The following PRRC2B variants were observed in gnomAD, a reference collection of about 807,000 sequenced individuals.
The protein encoded by PRRC2B is proline rich coiled-coil 2B, also known as protein PRRC2B.
PRRC2B carries 68 observed loss-of-function variants against 242.3 expected under a neutral mutation model. The observed-to-expected ratio is 0.28, with a 90% CI of 0.23 to 0.34. PRRC2B has a LOEUF of 0.34. PRRC2B is among the 10% of genes least tolerant of loss of function. The pLI, the probability that PRRC2B is intolerant of heterozygous loss-of-function variation, is 1.00. For synonymous variants in PRRC2B, 1,228 were observed against 1,173.6 expected (o/e 1.05, Z -0.95); for missense variants, 2,835 against 2,954.8 (o/e 0.96, Z 0.94).
At chr9:131,480,364 A>G (rs1372688629) in intron 19 of PRRC2B, among the ~76,000 whole-genome samples, 1 of 152,244 alleles carries the variant, frequency 6.6e-6, no homozygotes, top group Admixed American at 6.5e-5. Flanking sequence ...CATTTGATAA[A>G]ACATCAATAA....
At chr9:131,408,549 G>A (rs987218665) in intron 1 of PRRC2B, among the ~76,000 whole-genome samples, 2 of 152,210 alleles carry the variant, frequency 1.3e-5, no homozygotes, top group African/African-American at 4.8e-5. Flanking sequence ...TTAGAAAGAT[G>A]ACCATGTATA....
Position 131,487,132 on chromosome 9 carries a change from C to G in PRRC2B, c.5857-35C>G, listed in dbSNP as rs770461240. On this transcript the variant is annotated intron_variant, in intron 26 of 31. Coordinates refer to ENST00000683519, the MANE Select transcript of PRRC2B (RefSeq NM_013318.4). This position sits in a 1 kb window ranked among gnomAD's most constrained non-coding sequence, Gnocchi z 5.3. Reference sequence around the variant, plus strand: ...GGAAGAACCACCTGGATGGGCCTTGCGGTTACCTCCCCGACCCCGTTTTCC... The same window carrying G: ...GGAAGAACCACCTGGATGGGCCTTGGGGTTACCTCCCCGACCCCGTTTTCC... The G allele has an allele frequency of 1.2e-5, 20 of 1,606,434 alleles. No individual in the cohort carries two copies. The South Asian group carries it at 2.2e-4, about 18-fold the overall frequency.
At chr9:131,394,810 A>G (rs1253133199) in intron 1 of PRRC2B, among the ~76,000 whole-genome samples, 6 of 151,012 alleles carry the variant, frequency 4.0e-5, no homozygotes, top group African/African-American at 1.5e-4. Context: ...CGGCGGCGCT[A>G]AAGTTGGCGG....
chr9:131,459,247 G>T lies in PRRC2B; in HGVS notation c.1295G>T (p.Gly432Val). The T allele has an allele frequency of 1.2e-6, 2 of 1,613,948 alleles. No homozygotes were observed. Among genetic ancestry groups the T allele is most frequent in the South Asian group, 2.2e-5 (2 of 91,078 alleles). ...GACGCTAAGCGGACTCGAGAGGAAG[G>T]GAAGGACTGGGCTGAAGCAGTGGGT... ...SADAKRTREEGKDWAEAVGAS... is the reference protein window; with the variant it reads ...SADAKRTREEVKDWAEAVGAS... The change falls in exon 11 of 32, where the codon GGG (glycine) becomes GTG (valine). Residue 432 changes from glycine to valine, a missense_variant. Coordinates refer to ENST00000683519, the MANE Select transcript of PRRC2B (RefSeq NM_013318.4).
Position 131,462,327 on chromosome 9 carries a change from C to T in PRRC2B, c.1405-2436C>T, listed in dbSNP as rs550367683. Among the ~76,000 whole-genome samples, 4 of 152,200 alleles carry T rather than the reference C, an allele frequency of 2.6e-5. No individual in the cohort carries two copies. The East Asian group carries it at 7.8e-4, about 30-fold the overall frequency. ...TTCCAGGTTCAAGCAGTCCTTCTGC[C>T]TCAGCCTCCCAAGTAGCTGGGATTA... is the stretch of plus-strand genomic sequence containing the variant. On this transcript the variant is annotated intron_variant, in intron 11 of 31. Coordinates refer to ENST00000683519, the MANE Select transcript of PRRC2B (RefSeq NM_013318.4).
At chr9:131,382,589 G>A (rs549217460) in intron 1 of PRRC2B, among the ~76,000 whole-genome samples, 40 of 151,846 alleles carry the variant, frequency 2.6e-4, no homozygotes, top group Non-Finnish European at 4.9e-4. Context: ...AGGGCCCCCT[G>A]CTGCTGGTTC....
At chr9:131,489,818 C>T (rs541520818) in intron 28 of PRRC2B, among the ~76,000 whole-genome samples, 13 of 152,254 alleles carry the variant, frequency 8.5e-5, no homozygotes, top group Admixed American at 4.6e-4. Flanking sequence ...AGTACACAGA[C>T]GAGCTGCAGT....
At chr9:131,435,758 C>G (rs910553179) in intron 3 of PRRC2B, among the ~76,000 whole-genome samples, 1 of 152,090 alleles carries the variant, frequency 6.6e-6, no homozygotes, top group East Asian at 1.9e-4. Flanking sequence ...AAGGAAGATC[C>G]GTTTCTATGT....
At chr9:131,481,677 T>A in intron 19 of PRRC2B, 49 bp from the exon 20 acceptor site, 1 of 1,426,480 alleles carries the variant, frequency 7.0e-7, no homozygotes, top group Non-Finnish European at 9.7e-7. Context: ...ATAAACTCTC[T>A]AGACGGGTTG....
intron 14 of PRRC2B, among the ~76,000 whole-genome samples, chr9:131,471,586 G>A (rs1943548493): frequency 6.6e-6 from 1 of 152,180 alleles, no homozygotes; most frequent in Non-Finnish European, 1.5e-5. Context: ...GCCTTGATCA[G>A]CTAGTCAGTT....
intron 1 of PRRC2B, among the ~76,000 whole-genome samples, chr9:131,387,096 G>A (rs867970370): frequency 3.3e-5 from 5 of 149,934 alleles, no homozygotes; most frequent in Non-Finnish European, 7.4e-5. Context: ...CAGCCTTCCG[G>A]GTTCAAGCGA....
chr9:131,443,219 C>T (rs925997832), intron 5 of PRRC2B, among the ~76,000 whole-genome samples: 1 of 151,714 alleles, frequency 6.6e-6, no homozygotes, highest in Admixed American at 6.6e-5. Flanking sequence ...CTGCAAGCTC[C>T]ATCTCCTGGG....
upstream of PRRC2B, among the ~76,000 whole-genome samples, chr9:131,389,548 T>C (rs1024479072): frequency 6.6e-6 from 1 of 150,636 alleles, no homozygotes; most frequent in African/African-American, 2.4e-5. Context: ...CTCTGACACC[T>C]TGCTGGATGC....
chr9:131,447,048 T>C, intron 7 of PRRC2B, 37 bp from the exon 8 acceptor site: 1 of 1,612,802 alleles, frequency 6.2e-7, no homozygotes, highest in East Asian at 2.2e-5. Context: ...GTTTCAGCCA[T>C]TACCAGCAAA....
chr9:131,463,628 CTTTTTTTT>C (rs374951504), intron 11 of PRRC2B, among the ~76,000 whole-genome samples: 10 of 125,780 alleles, frequency 8.0e-5, no homozygotes, highest in Non-Finnish European at 1.6e-4. Context: ...TTTAGGCATG[CTTTTTTTT>C]TTTTTTTTTT....
intron 1 of PRRC2B, among the ~76,000 whole-genome samples, chr9:131,413,294 G>C (rs187196560): frequency 6.6e-6 from 1 of 152,086 alleles, no homozygotes; most frequent in African/African-American, 2.4e-5. Context: ...CTAGCCAATC[G>C]GGACAGATAC....
At chr9:131,396,984 C>T (rs538622768) in intron 1 of PRRC2B, among the ~76,000 whole-genome samples, 4 of 152,134 alleles carry the variant, frequency 2.6e-5, no homozygotes, top group Admixed American at 6.6e-5. Context: ...TTGGCATTCC[C>T]GCAACCATCT....
intron 1 of PRRC2B, among the ~76,000 whole-genome samples, chr9:131,420,493 C>CGTTCGTTCGTTCG (rs1554758635): frequency 3.3e-5 from 1 of 30,164 alleles, no homozygotes; most frequent in African/African-American, 1.1e-4. Flanking sequence ...TTCTTTCTTT[C>CGTTCGTTCGTTCG]TTTTTTTTTT....
intron 1 of PRRC2B, among the ~76,000 whole-genome samples, chr9:131,413,862 G>T (rs1043582691): frequency 2.0e-5 from 3 of 150,894 alleles, no homozygotes; most frequent in Non-Finnish European, 4.4e-5. Flanking sequence ...AGTAGAGATG[G>T]GGTTTCACCA....
Sources: allele counts gnomAD v4.1 joint callset (sites outside exome capture counted in the v4.1 genomes callset), GRCh38; gene constraint gnomAD v4.1.1; non-coding constraint Gnocchi (gnomAD v3.1); transcripts MANE v1.5; gene names NCBI Gene and HGNC (gene_info 2026-07-23, HGNC 2026-07-21).